Variants in CDH18 observed in about 807,000 individuals in gnomAD.
The protein encoded by CDH18 is cadherin 18.
A neutral mutation model predicts 67.9 loss-of-function variants in CDH18; 31 were observed. The observed-to-expected ratio is 0.46, with a 90% CI of 0.34 to 0.62. The LOEUF (loss-of-function observed/expected upper bound fraction) is 0.62, where lower values mean the gene tolerates loss of function less well. Ranked by LOEUF, CDH18 falls within the 20% of genes least tolerant of loss-of-function variation. The pLI, the probability that CDH18 is intolerant of heterozygous loss-of-function variation, is 0.01. For missense variants in CDH18, 890 were observed against 975.5 expected (o/e 0.91, Z 1.17); for synonymous variants, 362 against 347.2 (o/e 1.04, Z -0.48).
intron 1 of CDH18, among the ~76,000 whole-genome samples, chr5:20,504,698 A>G (rs1159757369): frequency 1.3e-5 from 2 of 152,116 alleles, no homozygotes. Context: ...AAAAGAATGA[A>G]CAGTTAAACT....
chr5:19,751,878 T>C (rs944481070), intron 3 of CDH18, among the ~76,000 whole-genome samples: 1 of 152,172 alleles, frequency 6.6e-6, no homozygotes, highest in African/African-American at 2.4e-5. Flanking sequence ...GAGCAGGATG[T>C]GGAGGCTCAC....
chr5:20,440,647 G>T (rs2150189862), intron 1 of CDH18, among the ~76,000 whole-genome samples: 1 of 152,090 alleles, frequency 6.6e-6, no homozygotes, highest in African/African-American at 2.4e-5. Flanking sequence ...GTGGTTGATA[G>T]CTATTTATCT....
chr5:19,814,847 TAC>T (rs200095987), intron 3 of CDH18, among the ~76,000 whole-genome samples: 51,945 of 127,596 alleles, frequency 0.41, 9,288 homozygotes, highest in South Asian at 0.58. Context: ...GCAAAATTGT[TAC>T]ACACACACAC....
At chr5:20,094,690 G>C (rs2150565768) in intron 2 of CDH18, among the ~76,000 whole-genome samples, 1 of 152,190 alleles carries the variant, frequency 6.6e-6, no homozygotes, top group African/African-American at 2.4e-5. Context: ...TCCCTCATAA[G>C]TTATATTCCT....
intron 2 of CDH18, among the ~76,000 whole-genome samples, chr5:20,087,954 A>C (rs1446245063): frequency 6.6e-6 from 1 of 152,212 alleles, no homozygotes; most frequent in Non-Finnish European, 1.5e-5. Context: ...ATTATGATGC[A>C]GAAAGATATA....
intron 1 of CDH18, among the ~76,000 whole-genome samples, chr5:20,348,280 T>A (rs895221446): frequency 2.6e-5 from 4 of 152,146 alleles, no homozygotes; most frequent in Admixed American, 2.6e-4. Context: ...ATCCATTAAT[T>A]GCTTAATCAC....
At chr5:19,806,478 C>T (rs1454162456) in intron 3 of CDH18, among the ~76,000 whole-genome samples, 3 of 152,124 alleles carry the variant, frequency 2.0e-5, no homozygotes, top group East Asian at 1.9e-4. Context: ...CTTGTTCTTC[C>T]GCCTTATCAA....
At chr5:19,777,603 T>G (rs1018541616) in intron 3 of CDH18, among the ~76,000 whole-genome samples, 2 of 152,190 alleles carry the variant, frequency 1.3e-5, no homozygotes, top group African/African-American at 2.4e-5. Flanking sequence ...TTCTTGCAGA[T>G]GAATTAGAAC....
chr5:19,913,745 T>C (rs1190238430), intron 2 of CDH18, among the ~76,000 whole-genome samples: 1 of 152,100 alleles, frequency 6.6e-6, no homozygotes, highest in Non-Finnish European at 1.5e-5. Context: ...AGTCTGAAAC[T>C]CTAGAGAAGC....
intron 2 of CDH18, among the ~76,000 whole-genome samples, chr5:20,162,608 T>C (rs908241438): frequency 3.3e-5 from 5 of 150,898 alleles, no homozygotes; most frequent in African/African-American, 1.2e-4. Flanking sequence ...GGAGGTTGAT[T>C]GCTAAAGGGA....
chr5:19,919,771 A>T lies in CDH18; in HGVS notation c.-257+61289T>A, dbSNP rs182073826. 6.8e-4 allele frequency among the ~76,000 whole-genome samples: 104 copies of T among 152,332 alleles called. No homozygotes were observed. In the South Asian group the frequency reaches 0.019, roughly 27 times the overall value. Reference sequence around the variant, plus strand: ...ATTTCAATTCACTGTGAGCAAACAAATAATGGTGATAATATAATAATAAAG... The same window carrying T: ...ATTTCAATTCACTGTGAGCAAACAATTAATGGTGATAATATAATAATAAAG... On this transcript the variant is annotated intron_variant, in intron 2 of 12. Transcript: ENST00000382275.
intron 2 of CDH18, among the ~76,000 whole-genome samples, chr5:20,145,528 T>C (rs1274400771): frequency 6.6e-6 from 1 of 152,196 alleles, no homozygotes; most frequent in East Asian, 1.9e-4. Context: ...TTTTTGTTTT[T>C]TGCTTCACTC....
intron 3 of CDH18, among the ~76,000 whole-genome samples, chr5:19,767,851 T>A (rs1442438352): frequency 6.6e-6 from 1 of 152,160 alleles, no homozygotes; most frequent in Non-Finnish European, 1.5e-5. Context: ...TCTTGCAGCA[T>A]TCCAGGGATG....
intron 2 of CDH18, among the ~76,000 whole-genome samples, chr5:20,217,698 T>C (rs943127528): frequency 6.6e-5 from 10 of 151,708 alleles, no homozygotes; most frequent in Admixed American, 2.0e-4. Flanking sequence ...TGAATATAAA[T>C]AGACTAAACT....
chr5:20,203,581 A>AAGAGAGAGAGAGAGAGAGAG (rs57913549), intron 2 of CDH18, among the ~76,000 whole-genome samples: 34 of 145,492 alleles, frequency 2.3e-4, no homozygotes, highest in African/African-American at 8.9e-4. Flanking sequence ...GTGGAGGGAA[A>AAGAGAGAGAGAGAGAGAGAG]AGAGAGAGAG....
chr5:19,700,767 A>G (rs1371081632), intron 5 of CDH18, among the ~76,000 whole-genome samples: 1 of 152,144 alleles, frequency 6.6e-6, no homozygotes, highest in Non-Finnish European at 1.5e-5. Context: ...CCCAGTAGAA[A>G]GGGCTTTCAT....
In CDH18 at chr5:20,000,387, A is replaced by G. The variant is rs1405231151; in HGVS notation, c.-517-8373T>C. ...AAAGGGAAAAGTAAACAAATTGGAG[A>G]CATTTAGAGAAAGGATTACACATAA... On this transcript the variant is annotated intron_variant, in intron 2 of 14. Transcript: ENST00000507958. Among the ~76,000 whole-genome samples the G allele has an allele frequency of 2.6e-5, 4 of 152,236 alleles. No homozygotes were observed. In the East Asian group the frequency reaches 7.7e-4, roughly 29 times the overall value.
intron 1 of CDH18, among the ~76,000 whole-genome samples, chr5:20,527,993 T>A (rs1756171117): frequency 6.6e-6 from 1 of 152,050 alleles, no homozygotes. Flanking sequence ...CAAGACTCAT[T>A]GGTGTGCTGT....
chr5:20,425,286 G>A (rs1748208200), intron 1 of CDH18, among the ~76,000 whole-genome samples: 1 of 150,634 alleles, frequency 6.6e-6, no homozygotes, highest in African/African-American at 2.5e-5. Context: ...CAGGAGAATT[G>A]CTTCAACATG....
Sources: gnomAD v4.1 joint callset for allele counts (sites outside exome capture counted in the v4.1 genomes callset) on GRCh38, gnomAD v4.1.1 for gene constraint, MANE v1.5 for transcripts, NCBI Gene and HGNC (gene_info 2026-07-23, HGNC 2026-07-21) for gene names.